MIF4GD: variants seen among roughly 807,000 people sequenced by gnomAD.
The protein encoded by MIF4GD is MIF4G domain containing, also known as MIF4G domain-containing protein.
Under a neutral mutation model 26.7 loss-of-function variants are expected in MIF4GD, and 22 were observed. The ratio of observed to expected loss-of-function variants is 0.82; its 90% CI spans 0.59 to 1.18. MIF4GD has a LOEUF of 1.18. Ranked by LOEUF, MIF4GD falls within the 50% of genes most tolerant of loss-of-function variation. MIF4GD has a pLI of 0.00. For synonymous variants in MIF4GD, 137 were observed against 111.6 expected, an observed-to-expected ratio of 1.23 and a Z score of -1.43; for missense variants, 262 against 279.6, an observed-to-expected ratio of 0.94 and a Z score of 0.45.
chr17:75,266,718 G>A lies in MIF4GD; in HGVS notation c.*22C>T. The A allele has an allele frequency of 6.2e-7, 1 of 1,607,904 alleles. No individual in the cohort carries two copies. On this transcript the variant is annotated 3_prime_UTR_variant, in exon 6 of 6. Coordinates refer to ENST00000325102, the MANE Select transcript of MIF4GD (RefSeq NM_001370592.1). ...GGGTAGAAGAAAGGCCAGTGCTGGT[G>A]AGGAAGCCCTGATCTGGAGGCCTAG...
At chr17:75,267,388 A>G in intron 5 of MIF4GD, 150 bp downstream of exon 5, 7 of 733,252 alleles carry the variant, frequency 9.5e-6, no homozygotes, top group Non-Finnish European at 1.6e-5. Flanking sequence ...AGCTTGTCCT[A>G]TAACTGACAG....
At chr17:75,267,929 G>C in intron 3 of MIF4GD, 28 bp from the exon 4 acceptor site, 1 of 1,603,814 alleles carries the variant, frequency 6.2e-7, no homozygotes, top group Non-Finnish European at 8.5e-7. Flanking sequence ...GAAGGTGAAG[G>C]GTGGGGGGCG....
At chr17:75,267,124 A>G (rs142070908) in intron 5 of MIF4GD, among the ~76,000 whole-genome samples, 157 bp from the exon 6 acceptor site, 42 of 152,274 alleles carry the variant, frequency 2.8e-4, no homozygotes, top group African/African-American at 9.9e-4. Context: ...ACACAGAAAG[A>G]AATGAGTTCC....
rs1328146041 is a variant in MIF4GD, at chr17:75,267,732, T to C, written c.348+14A>G. The C allele has an allele frequency of 1.2e-6, 2 of 1,612,210 alleles. No individual in the cohort carries two copies. The highest frequency in any genetic ancestry group is 4.5e-5 in the East Asian group (2 of 44,856). On this transcript the variant is annotated intron_variant, in intron 4 of 5. Coordinates refer to ENST00000325102, the MANE Select transcript of MIF4GD (RefSeq NM_001370592.1). ...GGCCATGTCTGCCTCCCAGGGTGGCTGCCGGGGCCTCACCCTCAGGTAGTC... is the reference window on the plus strand; with the variant it reads ...GGCCATGTCTGCCTCCCAGGGTGGCCGCCGGGGCCTCACCCTCAGGTAGTC...
At position 75,270,100 on chromosome 17, in the gene MIF4GD, G is replaced by A; in HGVS notation, c.82+14C>T. The A allele has an allele frequency of 2.5e-6, 4 of 1,612,498 alleles. No individual in the cohort carries two copies. Among genetic ancestry groups the A allele is most frequent in the Non-Finnish European group, 3.4e-6 (4 of 1,178,684 alleles). On this transcript the variant is annotated intron_variant, in intron 2 of 5. Coordinates refer to ENST00000325102, the MANE Select transcript of MIF4GD (RefSeq NM_001370592.1). The surrounding 1 kb of genome is among the most constrained non-coding windows in gnomAD (Gnocchi z 5.7). ...TAGCTCCTGACCCCAGCTCAGGAGG[G>A]GTCCCGTGCTCACCTTTGAGTGCTG... is the stretch of plus-strand genomic sequence containing the variant.
chr17:75,269,745 T>TC (rs1158045598), intron 2 of MIF4GD, among the ~76,000 whole-genome samples: 72 of 96,500 alleles, frequency 7.5e-4, no homozygotes, highest in African/African-American at 2.0e-3. Context: ...TTCTTTCTTT[T>TC]TTTTTTTTTT....
Position 75,270,162 on chromosome 17 carries a change from G to C in MIF4GD, c.34C>G (p.Gln12Glu). The C allele has an allele frequency of 6.2e-7, 1 of 1,614,112 alleles. No homozygotes were observed. Among genetic ancestry groups the C allele is most frequent in the Non-Finnish European group, 8.5e-7 (1 of 1,179,986 alleles). The change falls in exon 2 of 6, where the codon CAG (glutamine) becomes GAG (glutamate). Residue 12 changes from glutamine to glutamate, a missense_variant. Transcript: ENST00000325102. This position sits in a 1 kb window ranked among gnomAD's most constrained non-coding sequence, Gnocchi z 5.7. ...TGCTGGGTCTCTGCATCAAAGGACT[G>C]GATTTTATACTCCTCTCTACTGGGC... ...GEPSREEYKI[Q>E]SFDAETQQLL...
Position 75,267,647 on chromosome 17 carries a change from G to T in MIF4GD, c.349-17C>A. 3 of 1,614,104 alleles carry T rather than the reference G, an allele frequency of 1.9e-6. No individual in the cohort carries two copies. Among genetic ancestry groups the T allele is most frequent in the Non-Finnish European group, 2.5e-6 (3 of 1,179,966 alleles). On this transcript the variant is annotated splice_polypyrimidine_tract_variant and intron_variant, in intron 4 of 5. Transcript: ENST00000325102. ...GTTGTTCACCTGTGAGGAAGAGGAG[G>T]GGTCAGAGCACCAGGCTTAGTGGCC...
At chr17:75,267,703 A>G in intron 4 of MIF4GD, 43 bp downstream of exon 4, 1 of 1,612,530 alleles carries the variant, frequency 6.2e-7, no homozygotes, top group South Asian at 1.1e-5. Flanking sequence ...GGCCTCAGGA[A>G]ACAGGCCATG....
rs1347503044 is a variant in MIF4GD, at chr17:75,270,768, T to TG, written c.-51+375dup. 1 of 155,394 alleles carries TG rather than the reference T, an allele frequency of 6.4e-6. No individual in the cohort carries two copies. The highest frequency in any genetic ancestry group is 1.4e-5 in the Non-Finnish European group (1 of 70,142). The allele number at this position is 155,394 out of a possible 1,614,324, so 9.6% of individuals were successfully genotyped here. A position where few individuals can be genotyped will look rare whatever the true frequency, so the allele number is the denominator to read the frequency against. Reference sequence around the variant, plus strand: ...CCCGGATGGGGCCGGCCTGCGTGGGTGGGGACGCAGGCGCCCTGTCCGCCG... The same window carrying TG: ...CCCGGATGGGGCCGGCCTGCGTGGGTGGGGGACGCAGGCGCCCTGTCCGCCG... On this transcript the variant is annotated intron_variant, in intron 1 of 5. Transcript: ENST00000325102. This position sits in a 1 kb window ranked among gnomAD's most constrained non-coding sequence, Gnocchi z 5.7.
chr17:75,266,644 G>A lies in MIF4GD; in HGVS notation c.*96C>T, dbSNP rs1473720030. The A allele has an allele frequency of 1.7e-6, 2 of 1,151,178 alleles. No individual in the cohort carries two copies. The highest frequency in any genetic ancestry group is 1.8e-5 in the Admixed American group (1 of 56,096). 71.3% of individuals were successfully genotyped at this position (1,151,178 alleles called of 1,614,324 possible). On this transcript the variant is annotated 3_prime_UTR_variant, in exon 6 of 6. Coordinates refer to ENST00000325102, the MANE Select transcript of MIF4GD (RefSeq NM_001370592.1). ...AAGGGAAGACACTCAAAGTCTGGAA[G>A]GGAAAAGTCTTTGGGTGAGGCAGAG...
chr17:75,266,909 C>G lies in MIF4GD; in HGVS notation c.500G>C (p.Gly167Ala). The G allele has an allele frequency of 6.2e-7, 1 of 1,614,128 alleles. No homozygotes were observed. The highest frequency in any genetic ancestry group is 8.5e-7 in the Non-Finnish European group (1 of 1,180,046). Residue 167 changes from glycine to alanine, a missense_variant, in exon 6 of 6, where the codon GGG (glycine) becomes GCG (alanine). Physicochemically the swap from Gly to Ala is moderately conservative, Grantham distance 60 (BLOSUM62 0). Coordinates refer to ENST00000325102, the MANE Select transcript of MIF4GD (RefSeq NM_001370592.1). ...RVGEQLEKMN[G>A]QRMDELFVLI... is the part of the protein sequence containing the mutation. ...CACAAAGAGCTCATCCATGCGCTGC[C>G]CATTCATTTTCTCCAGCTGCTCCCC...
rs1481121726 is a variant in MIF4GD, at chr17:75,267,563, G to A, written c.416C>T (p.Pro139Leu). 6.2e-7 allele frequency: 1 copy of A among 1,614,052 alleles called. No individual in the cohort carries two copies. The highest frequency in any genetic ancestry group is 1.7e-5 in the Admixed American group (1 of 59,998). ...CTCCTCCTCCTTGCTCAAACTGTCT[G>A]GCTGGGCCAGCCGGAAGAGGCAGTC... Reference protein sequence around the residue: ...VYDCLFRLAQPDSLSKEEEVD... With the variant: ...VYDCLFRLAQLDSLSKEEEVD... Residue 139 changes from proline to leucine, a missense_variant, in exon 5 of 6, where the codon CCA (proline) becomes CTA (leucine). Coordinates refer to ENST00000325102, the MANE Select transcript of MIF4GD (RefSeq NM_001370592.1).
At chr17:75,269,306 G>C in intron 2 of MIF4GD, 1 of 1,609,678 alleles carries the variant, frequency 6.2e-7, no homozygotes, top group Non-Finnish European at 8.5e-7. Context: ...GGCTCGGCTT[G>C]ACACATGATG....
chr17:75,268,945 A>G (rs560303021), intron 2 of MIF4GD, among the ~76,000 whole-genome samples: 1 of 152,194 alleles, frequency 6.6e-6, no homozygotes, highest in East Asian at 1.9e-4. Context: ...CGGAGGTTGC[A>G]GTGAGCCAAG....
At position 75,267,807 on chromosome 17, in the gene MIF4GD, C is replaced by A. The variant is rs368647873; in HGVS notation, c.287G>T (p.Arg96Leu). 4 of 1,613,886 alleles carry A rather than the reference C, an allele frequency of 2.5e-6. No individual in the cohort carries two copies. In the East Asian group the frequency reaches 8.9e-5, roughly 36 times the overall value. Residue 96 changes from arginine (R) to leucine (L), a missense_variant, in exon 4 of 6, where the codon CGC (arginine) becomes CTC (leucine). Arg to Leu is a moderately radical substitution (Grantham distance 102). Coordinates refer to ENST00000325102, the MANE Select transcript of MIF4GD (RefSeq NM_001370592.1). ...EYQAREQLRA[R>L]SLQGWVCYVT... is the part of the protein sequence containing the mutation. The stretch of plus-strand genomic sequence containing the variant: ...ATAGCAGACCCAGCCCTGCAGGGAG[C>A]GTGCTCGCAGCTGCTCCCGAGCCTG...
Position 75,267,593 on chromosome 17 carries a change from A to G in MIF4GD, c.386T>C (p.Val129Ala). 1 of 1,614,084 alleles carries G rather than the reference A, an allele frequency of 6.2e-7. No homozygotes were observed. The highest frequency in any genetic ancestry group is 1.1e-5 in the South Asian group (1 of 91,088). Reference sequence around the variant, plus strand: ...GGCCAGCCGGAAGAGGCAGTCATAGACAGGGTTCACCAGGGCCATCATGGG... The same window carrying G: ...GGCCAGCCGGAAGAGGCAGTCATAGGCAGGGTTCACCAGGGCCATCATGGG... ...NMPMMALVNP[V>A]YDCLFRLAQP... Residue 129 changes from valine (V) to alanine (A), a missense_variant, in exon 5 of 6, where the codon GTC becomes GCC. Val to Ala is a moderately conservative substitution (Grantham distance 64). Transcript: ENST00000325102.
chr17:75,268,323 C>G lies in MIF4GD; in HGVS notation c.83-131G>C, dbSNP rs533106559. Reference sequence around the variant, plus strand: ...GAAGTGAAAGAGATCAGAAATCATACAGAGGACAGTGGCTCCAGTGGTGCA... The same window carrying G: ...GAAGTGAAAGAGATCAGAAATCATAGAGAGGACAGTGGCTCCAGTGGTGCA... On this transcript the variant is annotated intron_variant, in intron 2 of 5. Transcript: ENST00000325102. 4.1e-5 allele frequency: 30 copies of G among 724,228 alleles called. No homozygotes were observed. The African/African-American group carries it at 5.1e-4, about 12-fold the overall frequency. 44.9% of individuals were successfully genotyped at this position (724,228 alleles called of 1,614,324 possible).
rs1285763476 is a variant in MIF4GD at position 75,269,584 on chromosome 17, A to T, written c.82+530T>A. The T allele has an allele frequency of 3.8e-5, 35 of 929,904 alleles. No individual in the cohort carries two copies. The African/African-American group carries it at 7.8e-4, about 21-fold the overall frequency. 57.6% of individuals were successfully genotyped at this position (929,904 alleles called of 1,614,324 possible). ...TTTTTTTTTTTTTTTTTTTTGAGAC[A>T]GGGTCTCGCTCTGTAGCCAGGCTGG... On this transcript the variant is annotated intron_variant, in intron 2 of 5. Transcript: ENST00000325102.
Sources: gnomAD v4.1 joint callset for allele counts (sites outside exome capture counted in the v4.1 genomes callset) on GRCh38, gnomAD v4.1.1 for gene constraint, Gnocchi (gnomAD v3.1) non-coding constraint, MANE v1.5 for transcripts, NCBI Gene and HGNC (gene_info 2026-07-23, HGNC 2026-07-21) for gene names.